Variants in CAPN8 observed in about 807,000 individuals in gnomAD.
The protein encoded by CAPN8 is calpain-8.
Under a neutral mutation model 80.9 loss-of-function variants are expected in CAPN8, and 87 were observed. The observed-to-expected ratio is 1.07, with a 90% CI of 0.90 to 1.28. The LOEUF (loss-of-function observed/expected upper bound fraction) is 1.28. Ranked by LOEUF, CAPN8 falls within the 50% of genes most tolerant of loss-of-function variation. CAPN8 has a pLI of 0.00. For missense variants in CAPN8, 757 were observed against 702.0 expected, an observed-to-expected ratio of 1.08 and a Z score of -0.89; for synonymous variants, 299 against 273.8, an observed-to-expected ratio of 1.09 and a Z score of -0.91.
chr1:223,654,546 C>T, intron 1 of CAPN8, 147 bp from the exon 2 acceptor site: 1 of 707,046 alleles, frequency 1.4e-6, no homozygotes, highest in Non-Finnish European at 2.4e-6. Flanking sequence ...TTGCTGAGGA[C>T]TCTGAAGCCC....
chr1:223,660,087 C>T (rs1571745087), intron 1 of CAPN8, among the ~76,000 whole-genome samples: 1 of 152,356 alleles, frequency 6.6e-6, no homozygotes, highest in East Asian at 1.9e-4. Context: ...CAAGCTGAGG[C>T]CTGTCACCCT....
intron 1 of CAPN8, 36 bp downstream of exon 1, chr1:223,665,374 C>T (rs755050856): frequency 2.0e-6 from 3 of 1,520,848 alleles, no homozygotes; most frequent in Non-Finnish European, 1.8e-6. Context: ...GCCCCTCCAC[C>T]TTGTATGTCA....
intron 10 of CAPN8, among the ~76,000 whole-genome samples, chr1:223,614,445 C>A (rs1307549146): frequency 6.6e-6 from 1 of 152,100 alleles, no homozygotes; most frequent in Non-Finnish European, 1.5e-5. Context: ...ACTGAGTAGC[C>A]CACCCTGCAG....
intron 9 of CAPN8, 124 bp from the exon 10 acceptor site, chr1:223,616,269 G>C (rs1026453983): frequency 9.1e-7 from 1 of 1,104,634 alleles, no homozygotes; most frequent in South Asian, 1.7e-5. Flanking sequence ...ACTGTGCCTA[G>C]TAAGCAGGCC....
At chr1:223,615,658 C>G (rs1163354678) in intron 10 of CAPN8, 6 of 482,148 alleles carry the variant, frequency 1.2e-5, no homozygotes, top group Non-Finnish European at 8.2e-6. Context: ...GTTCTTGGCT[C>G]TTGTCCCTGG....
At chr1:223,618,389 C>A in intron 9 of CAPN8, 1 of 1,435,936 alleles carries the variant, frequency 7.0e-7, no homozygotes, top group Non-Finnish European at 9.5e-7. Flanking sequence ...ACCATACTAT[C>A]TCCACCAGGG....
chr1:223,657,819 A>G (rs1450290433), intron 1 of CAPN8, among the ~76,000 whole-genome samples: 1 of 152,194 alleles, frequency 6.6e-6, no homozygotes, highest in Non-Finnish European at 1.5e-5. Context: ...CCATTCATCC[A>G]TCGGTCTACT....
intron 16 of CAPN8, among the ~76,000 whole-genome samples, chr1:223,548,876 G>T (rs1656705031): frequency 7.0e-6 from 1 of 142,204 alleles, no homozygotes. Context: ...CACAAGCCAT[G>T]TTAAGATTCT....
At chr1:223,624,004 A>AG (rs1371216551) in intron 6 of CAPN8, among the ~76,000 whole-genome samples, 1 of 133,336 alleles carries the variant, frequency 7.5e-6, no homozygotes, top group Non-Finnish European at 1.6e-5. Flanking sequence ...ACCTGAAAAA[A>AG]AAAAAAAAGA....
intron 13 of CAPN8, among the ~76,000 whole-genome samples, chr1:223,555,579 G>C (rs1326879159): frequency 6.6e-6 from 1 of 152,150 alleles, no homozygotes; most frequent in East Asian, 1.9e-4. Flanking sequence ...ATGTAATACA[G>C]TATGCCAAAA....
At chr1:223,660,909 G>A (rs901050628) in intron 1 of CAPN8, among the ~76,000 whole-genome samples, 1 of 152,226 alleles carries the variant, frequency 6.6e-6, no homozygotes, top group Non-Finnish European at 1.5e-5. Context: ...GCTCACACCT[G>A]TAATCCCAAC....
At chr1:223,620,606 G>A (rs1478442111) in intron 7 of CAPN8, among the ~76,000 whole-genome samples, 1 of 152,172 alleles carries the variant, frequency 6.6e-6, no homozygotes, top group Non-Finnish European at 1.5e-5. Flanking sequence ...GGGAGGCCCA[G>A]GAGAGAACGT....
intron 2 of CAPN8, among the ~76,000 whole-genome samples, chr1:223,638,980 C>T (rs10916005): frequency 0.38 from 58,547 of 152,090 alleles, 12,485 homozygotes; most frequent in Non-Finnish European, 0.49. Context: ...TGGCTCATGC[C>T]TGTAATCCCA....
intron 13 of CAPN8, among the ~76,000 whole-genome samples, chr1:223,557,038 G>A (rs962856198): frequency 1.5e-4 from 23 of 152,288 alleles, no homozygotes; most frequent in African/African-American, 5.5e-4. Context: ...GAGGCAGGGG[G>A]CGCTATTGAC....
intron 14 of CAPN8, among the ~76,000 whole-genome samples, chr1:223,552,035 T>A (rs1297691906): frequency 6.6e-6 from 1 of 152,182 alleles, no homozygotes; most frequent in Non-Finnish European, 1.5e-5. Flanking sequence ...TCAGGCAGGA[T>A]GACCAAGGAA....
rs183269164 is a variant in CAPN8 at position 223,628,753 on chromosome 1, G to A, written c.335C>T (p.Ala112Val). Reference protein sequence around the residue: ...LGDCWLLAAIASLTLNEELLY... With the variant: ...LGDCWLLAAIVSLTLNEELLY... ...CAGCTCTTCATTCAGGGTCAGGGAG[G>A]CAATGGCAGCCAGAAGCCAGCAGTC... Residue 112 changes from alanine (A) to valine (V), a missense_variant, in exon 3 of 21, where the codon GCC (alanine) becomes GTC (valine). Physicochemically the swap from Ala to Val is moderately conservative, Grantham distance 64. Coordinates refer to ENST00000366872, the MANE Select transcript of CAPN8 (RefSeq NM_001143962.2). 1,101 of 1,554,412 alleles carry A rather than the reference G, an allele frequency of 7.1e-4. 3 individuals are homozygous for A. The highest frequency in any genetic ancestry group is 2.3e-3 in the Admixed American group (120 of 51,470).
At chr1:223,615,906 G>T in intron 10 of CAPN8, 64 bp downstream of exon 10, 2 of 1,532,294 alleles carry the variant, frequency 1.3e-6, no homozygotes, top group South Asian at 1.2e-5. Context: ...TACAATGACT[G>T]GCCAAGATAT....
intron 11 of CAPN8, among the ~76,000 whole-genome samples, chr1:223,611,392 CA>C (rs995463046): frequency 1.2e-4 from 19 of 152,348 alleles, no homozygotes; most frequent in African/African-American, 4.3e-4. Context: ...CCTGACAACC[CA>C]GATGTTAACA....
intron 2 of CAPN8, among the ~76,000 whole-genome samples, chr1:223,643,391 C>G (rs1235560531): frequency 6.6e-6 from 1 of 152,170 alleles, no homozygotes; most frequent in Non-Finnish European, 1.5e-5. Context: ...CATCTCCTAG[C>G]AAGATGAGGG....
Sources: gnomAD v4.1 joint callset for allele counts (sites outside exome capture counted in the v4.1 genomes callset) on GRCh38, gnomAD v4.1.1 for gene constraint, MANE v1.5 for transcripts, NCBI Gene and HGNC (gene_info 2026-07-23, HGNC 2026-07-21) for gene names.